The following DENND1A variants were observed in gnomAD, a reference collection of about 807,000 sequenced individuals.
The protein encoded by DENND1A is DENN domain-containing protein 1A.
DENND1A carries 51 observed loss-of-function variants against 113.7 expected under a neutral mutation model. The observed-to-expected ratio is 0.45, with a 90% CI of 0.36 to 0.57. DENND1A has a LOEUF of 0.57. Ranked by LOEUF, DENND1A falls within the 20% of genes least tolerant of loss-of-function variation. The pLI is 0.00. For missense variants in DENND1A, 1,258 were observed against 1,395.9 expected (o/e 0.90, Z 1.57); for synonymous variants, 565 against 570.8 (o/e 0.99, Z 0.14).
chr9:123,629,201 G>T (rs1382709823), intron 10 of DENND1A, among the ~76,000 whole-genome samples: 1 of 152,222 alleles, frequency 6.6e-6, no homozygotes, highest in Non-Finnish European at 1.5e-5. Flanking sequence ...CCAGTGGTCA[G>T]TGTCCCGTGT....
chr9:123,859,155 T>C (rs1442631861), intron 2 of DENND1A, among the ~76,000 whole-genome samples: 3 of 152,156 alleles, frequency 2.0e-5, no homozygotes, highest in Non-Finnish European at 4.4e-5. Flanking sequence ...AACCTGACAT[T>C]TTCTTTATAA....
chr9:123,899,189 G>A (rs989389418), intron 1 of DENND1A, among the ~76,000 whole-genome samples: 1 of 152,162 alleles, frequency 6.6e-6, no homozygotes, highest in Non-Finnish European at 1.5e-5. Context: ...CTAGGTGACA[G>A]GCACTGTGCT....
intron 2 of DENND1A, among the ~76,000 whole-genome samples, chr9:123,870,348 C>G (rs963095289): frequency 6.6e-6 from 1 of 151,452 alleles, no homozygotes; most frequent in East Asian, 1.9e-4. Flanking sequence ...CGGCTCACTG[C>G]AACCTCCACC....
At chr9:123,855,579 G>A (rs1309379016) in intron 2 of DENND1A, among the ~76,000 whole-genome samples, 1 of 152,170 alleles carries the variant, frequency 6.6e-6, no homozygotes, top group African/African-American at 2.4e-5. Flanking sequence ...CAAGTGATGA[G>A]GAGCCTTCTG....
chr9:123,472,235 C>T (rs1176884324), intron 13 of DENND1A, among the ~76,000 whole-genome samples: 1 of 151,978 alleles, frequency 6.6e-6, no homozygotes, highest in Non-Finnish European at 1.5e-5. Flanking sequence ...GTGACTCTGT[C>T]CAGGTGGGGT....
Position 123,382,188 on chromosome 9 carries a change from G to T in DENND1A, c.2457C>A (p.Pro819=). 1.9e-6 allele frequency: 3 copies of T among 1,609,670 alleles called. No homozygotes were observed. Among genetic ancestry groups the T allele is most frequent in the South Asian group, 1.1e-5 (1 of 90,826 alleles). Residue 819 remains proline (P), a synonymous_variant, in exon 24 of 24, where the codon CCC becomes CCA. Transcript: ENST00000394215. Reference sequence around the variant, plus strand: ...GCTGGAGCAGTTCAGTGGGGCCTTGGGGGACAACACCAGGCAGGAGCCCTG... The same window carrying T: ...GCTGGAGCAGTTCAGTGGGGCCTTGTGGGACAACACCAGGCAGGAGCCCTG... ...LSPGLLPGVV[P]QGPTELLQPL...
intron 5 of DENND1A, among the ~76,000 whole-genome samples, chr9:123,735,403 T>C (rs1469956751): frequency 6.6e-6 from 1 of 152,126 alleles, no homozygotes; most frequent in Non-Finnish European, 1.5e-5. Context: ...AGATCATAAG[T>C]GGGCAAGAGC....
chr9:123,508,042 G>A (rs187380472), intron 13 of DENND1A, among the ~76,000 whole-genome samples: 12 of 152,020 alleles, frequency 7.9e-5, no homozygotes, highest in Admixed American at 5.2e-4. Flanking sequence ...CAAGCACATC[G>A]GCGATGGGTT....
intron 2 of DENND1A, among the ~76,000 whole-genome samples, chr9:123,838,224 T>C (rs1280044340): frequency 6.6e-6 from 1 of 152,198 alleles, no homozygotes; most frequent in East Asian, 1.9e-4. Flanking sequence ...TTACTTCATC[T>C]TTCTGTGCGT....
intron 10 of DENND1A, among the ~76,000 whole-genome samples, chr9:123,628,064 G>C (rs1022067297): frequency 6.6e-6 from 1 of 152,106 alleles, no homozygotes; most frequent in Non-Finnish European, 1.5e-5. Context: ...TAATGGAGCA[G>C]AGACAGGGAC....
At chr9:123,443,969 A>G (rs913473436) in intron 18 of DENND1A, among the ~76,000 whole-genome samples, 17 of 151,972 alleles carry the variant, frequency 1.1e-4, no homozygotes, top group Non-Finnish European at 2.2e-4. Context: ...GAAAAAAATA[A>G]GGTGGGGGGC....
At chr9:123,610,489 G>A (rs2060367446) in intron 10 of DENND1A, among the ~76,000 whole-genome samples, 1 of 152,178 alleles carries the variant, frequency 6.6e-6, no homozygotes, top group Non-Finnish European at 1.5e-5. Context: ...GTGCCACACT[G>A]ACTTTGTAAT....
chr9:123,921,769 T>A (rs930981720), intron 1 of DENND1A, among the ~76,000 whole-genome samples: 22 of 152,300 alleles, frequency 1.4e-4, no homozygotes, highest in African/African-American at 5.1e-4. Flanking sequence ...AGCAAACATA[T>A]AACCAGTCCT....
intron 9 of DENND1A, among the ~76,000 whole-genome samples, chr9:123,632,152 G>C (rs549856088): frequency 4.6e-5 from 7 of 152,158 alleles, no homozygotes; most frequent in Non-Finnish European, 8.8e-5. Flanking sequence ...ATGTTTCACA[G>C]TTGTGAGAGC....
intron 13 of DENND1A, among the ~76,000 whole-genome samples, chr9:123,511,317 T>C (rs1422504591): frequency 6.6e-6 from 1 of 152,188 alleles, no homozygotes; most frequent in Non-Finnish European, 1.5e-5. Flanking sequence ...GCCTAGGCTA[T>C]GGTGAGGATC....
chr9:123,928,992 A>T, intron 1 of DENND1A: 1 of 809,786 alleles, frequency 1.2e-6, no homozygotes. Context: ...GAGATAAAAC[A>T]TCTCCAGTTC....
intron 13 of DENND1A, among the ~76,000 whole-genome samples, chr9:123,549,367 T>A (rs184244454): frequency 1.3e-5 from 2 of 152,252 alleles, no homozygotes; most frequent in East Asian, 3.9e-4. Flanking sequence ...ACATCCCTTA[T>A]GTGTGTTCTG....
intron 6 of DENND1A, among the ~76,000 whole-genome samples, chr9:123,676,012 A>G (rs1371972523): frequency 6.6e-6 from 1 of 152,236 alleles, no homozygotes; most frequent in Non-Finnish European, 1.5e-5. Context: ...TGGTAAATCA[A>G]GGTACATGAC....
intron 1 of DENND1A, among the ~76,000 whole-genome samples, chr9:123,913,974 G>A (rs1854578311): frequency 6.6e-6 from 1 of 151,554 alleles, no homozygotes; most frequent in Admixed American, 6.6e-5. Context: ...TGCACTGCAG[G>A]CAGCAGTGCA....
Sources: gnomAD v4.1 joint callset for allele counts (sites outside exome capture counted in the v4.1 genomes callset) on GRCh38, gnomAD v4.1.1 for gene constraint, MANE v1.5 for transcripts, NCBI Gene and HGNC (gene_info 2026-07-23, HGNC 2026-07-21) for gene names.